NRIP3: variants seen among roughly 807,000 people sequenced by gnomAD.
The protein encoded by NRIP3 is nuclear receptor interacting protein 3, also known as nuclear receptor-interacting protein 3.
In NRIP3, 31 loss-of-function variants were observed where a neutral mutation model predicts 29.0. The observed-to-expected ratio is 1.07, with a 90% CI of 0.80 to 1.44. The LOEUF (loss-of-function observed/expected upper bound fraction) is 1.44. NRIP3 is among the 40% of genes most tolerant of loss of function. NRIP3 has a pLI of 0.00. For missense variants in NRIP3, 314 were observed against 297.9 expected, an observed-to-expected ratio of 1.05 and a Z score of -0.40; for synonymous variants, 131 against 118.3, an observed-to-expected ratio of 1.11 and a Z score of -0.70.
intron 3 of NRIP3, among the ~76,000 whole-genome samples, chr11:8,986,062 C>T (rs1202982565): frequency 6.6e-6 from 1 of 151,760 alleles, no homozygotes. Flanking sequence ...ATCTCCCGTT[C>T]TCAAAAACCT....
chr11:8,998,292 C>T (rs1178179421), intron 1 of NRIP3, among the ~76,000 whole-genome samples: 2 of 152,216 alleles, frequency 1.3e-5, no homozygotes, highest in Non-Finnish European at 2.9e-5. Context: ...TGTTACACTG[C>T]CCCAGGCCTT....
chr11:8,985,623 T>TGA, intron 4 of NRIP3, 88 bp downstream of exon 4: 5 of 1,493,332 alleles, frequency 3.3e-6, no homozygotes, highest in Non-Finnish European at 4.5e-6. Context: ...AGTCAATATT[T>TGA]ACAGGCATGA....
rs891923958 is a variant in NRIP3, at chr11:8,983,977, C to A, written c.616-8G>T. On this transcript the variant is annotated splice_region_variant and splice_polypyrimidine_tract_variant and intron_variant, in intron 5 of 6. Coordinates refer to ENST00000309166, the MANE Select transcript of NRIP3 (RefSeq NM_020645.3). ...ATCCAAGTTTATGATGCACTGAAAA[C>A]AGGTAACTTGTCAGTGATACCACTA... The A allele has an allele frequency of 6.2e-7, 1 of 1,613,054 alleles. No individual in the cohort carries two copies. Among genetic ancestry groups the A allele is most frequent in the Middle Eastern group, 1.6e-4 (1 of 6,062 alleles).
At chr11:8,985,182 T>C (rs918792054) in intron 4 of NRIP3, among the ~76,000 whole-genome samples, 1 of 137,146 alleles carries the variant, frequency 7.3e-6, no homozygotes, top group African/African-American at 2.8e-5. Flanking sequence ...TTTTTTTTTT[T>C]TTTTTGAGAC....
chr11:8,995,118 A>G (rs927206132), intron 1 of NRIP3, among the ~76,000 whole-genome samples: 3 of 151,266 alleles, frequency 2.0e-5, no homozygotes, highest in African/African-American at 7.3e-5. Context: ...GCTAAGCCCA[A>G]TCTCCTAACA....
Position 8,987,527 on chromosome 11 carries a change from TC to T in NRIP3, c.422+20del. 1.3e-6 allele frequency: 2 copies of T among 1,567,312 alleles called. No homozygotes were observed. The highest frequency in any genetic ancestry group is 1.8e-6 in the Non-Finnish European group (2 of 1,137,306). On this transcript the variant is annotated intron_variant, in intron 3 of 6. Transcript: ENST00000309166. ...GAGTACAGTCACATCTAAGTTCCAC[TC>T]AGCACAAGTGCCTACTTACCCCAAT...
Position 8,984,097 on chromosome 11 carries a change from C to A in NRIP3, c.590G>T (p.Gly197Val). 9 of 1,612,848 alleles carry A rather than the reference C, an allele frequency of 5.6e-6. No homozygotes were observed. The highest frequency in any genetic ancestry group is 7.6e-6 in the Non-Finnish European group (9 of 1,179,034). ...VDDNEKNLSL[G>V]LQTLRSLKCI... ...CTTCAGAGATCGGAGAGTCTGTAGA[C>A]CAAGGGACAAGTTTTTCTCATTGTC... Residue 197 changes from glycine to valine, a missense_variant, in exon 5 of 7, where the codon GGT becomes GTT. Coordinates refer to ENST00000309166, the MANE Select transcript of NRIP3 (RefSeq NM_020645.3).
In NRIP3 at chr11:8,981,984, G is replaced by A. The variant is rs1490133215; in HGVS notation, c.*1561C>T. 6.6e-6 allele frequency: 1 copy of A among 152,218 alleles called. No individual in the cohort carries two copies. Among genetic ancestry groups the A allele is most frequent in the Non-Finnish European group, 1.5e-5 (1 of 68,072 alleles). The allele number at this position is 152,218 out of a possible 1,614,324, so 9.4% of individuals were successfully genotyped here. ...CAGTAGGGGCAGTTGCTGAACACCAGACAAGGTAGTTGGTAGTACTTGGCA... is the reference window on the plus strand; with the variant it reads ...CAGTAGGGGCAGTTGCTGAACACCAAACAAGGTAGTTGGTAGTACTTGGCA... On this transcript the variant is annotated 3_prime_UTR_variant, in exon 7 of 7. Transcript: ENST00000309166.
chr11:9,003,666 G>A, intron 1 of NRIP3, 96 bp downstream of exon 1: 2 of 1,201,304 alleles, frequency 1.7e-6, no homozygotes, highest in Middle Eastern at 3.1e-4. Context: ...GCGGCGGGCC[G>A]GGCCGTGACT....
chr11:9,002,831 A>G (rs1489890950), intron 1 of NRIP3, among the ~76,000 whole-genome samples: 1 of 152,236 alleles, frequency 6.6e-6, no homozygotes, highest in African/African-American at 2.4e-5. Context: ...TGTGAAATTC[A>G]AGAAAACAAT....
chr11:8,995,586 T>C (rs1410603866), intron 1 of NRIP3, among the ~76,000 whole-genome samples: 1 of 152,198 alleles, frequency 6.6e-6, no homozygotes, highest in African/African-American at 2.4e-5. Flanking sequence ...CAAACCACTA[T>C]AATTTCTTAT....
intron 1 of NRIP3, among the ~76,000 whole-genome samples, chr11:8,989,683 G>A (rs1213336900): frequency 6.6e-6 from 1 of 152,212 alleles, no homozygotes; most frequent in East Asian, 1.9e-4. Context: ...GCTTGACTAG[G>A]AGCTAGAGGA....
At chr11:8,996,275 C>CTTTTTTTTTTTTTTTTT (rs386373056) in intron 1 of NRIP3, among the ~76,000 whole-genome samples, 1 of 82,944 alleles carries the variant, frequency 1.2e-5, no homozygotes, top group Non-Finnish European at 2.1e-5. Flanking sequence ...CCTTTTTTTC[C>CTTTTTTTTTTTTTTTTT]TTTTTTTTTT....
chr11:8,988,627 GA>G (rs1854553724), intron 1 of NRIP3, among the ~76,000 whole-genome samples: 1 of 152,228 alleles, frequency 6.6e-6, no homozygotes, highest in Admixed American at 6.5e-5. Context: ...CATTTCAAGG[GA>G]AAAGTGGTCT....
chr11:8,982,475 C>A lies in NRIP3; in HGVS notation c.*1070G>T. ...TTTTTCCCCCCATCTTTCTCTACTCCTGGTTTCCAGCTACTTCAGTCCTTG... is the reference window on the plus strand; with the variant it reads ...TTTTTCCCCCCATCTTTCTCTACTCATGGTTTCCAGCTACTTCAGTCCTTG... On this transcript the variant is annotated 3_prime_UTR_variant, in exon 7 of 7. Coordinates refer to ENST00000309166, the MANE Select transcript of NRIP3 (RefSeq NM_020645.3). 1 of 153,756 alleles carries A rather than the reference C, an allele frequency of 6.5e-6. No individual in the cohort carries two copies. The highest frequency in any genetic ancestry group is 1.4e-5 in the Non-Finnish European group (1 of 69,170). 9.5% of individuals were successfully genotyped at this position (153,756 alleles called of 1,614,324 possible).
Position 8,983,527 on chromosome 11 carries a change from A to G in NRIP3, c.*18T>C, listed in dbSNP as rs1423512391. 2 of 1,612,968 alleles carry G rather than the reference A, an allele frequency of 1.2e-6. No homozygotes were observed. The highest frequency in any genetic ancestry group is 2.7e-5 in the African/African-American group (2 of 74,908). ...GGTGTGTATGCATGCACACGTGCAGACATGCTGCAGGCTGTAGTTATGCTT... is the reference window on the plus strand; with the variant it reads ...GGTGTGTATGCATGCACACGTGCAGGCATGCTGCAGGCTGTAGTTATGCTT... On this transcript the variant is annotated 3_prime_UTR_variant, in exon 7 of 7. Transcript: ENST00000309166.
intron 1 of NRIP3, among the ~76,000 whole-genome samples, chr11:8,997,143 G>A (rs997178062): frequency 5.9e-5 from 9 of 151,962 alleles, no homozygotes; most frequent in Admixed American, 1.3e-4. Flanking sequence ...TTGGGAGGCC[G>A]AGGCAGGTGG....
At chr11:8,987,465 C>T in intron 3 of NRIP3, 83 bp downstream of exon 3, 1 of 1,000,250 alleles carries the variant, frequency 1.0e-6, no homozygotes, top group South Asian at 1.3e-5. Context: ...CTGTAGAGAC[C>T]CTCACCATCT....
chr11:8,994,422 T>C (rs1366076136), intron 1 of NRIP3, among the ~76,000 whole-genome samples: 4 of 152,126 alleles, frequency 2.6e-5, no homozygotes, highest in Non-Finnish European at 5.9e-5. Context: ...TAAGGATGGG[T>C]GATAATTTAG....
Sources: allele counts gnomAD v4.1 joint callset (sites outside exome capture counted in the v4.1 genomes callset), GRCh38; gene constraint gnomAD v4.1.1; transcripts MANE v1.5; gene names NCBI Gene and HGNC (gene_info 2026-07-23, HGNC 2026-07-21).